The following SETD1B variants were observed in gnomAD, a reference collection of about 807,000 sequenced individuals.
The protein encoded by SETD1B is SET domain containing 1B, histone lysine methyltransferase.
In SETD1B, 7 loss-of-function variants were observed where a neutral mutation model predicts 148.0. The ratio of observed to expected loss-of-function variants is 0.05; its 90% CI spans 0.03 to 0.09. The LOEUF is 0.09. SETD1B is among the 10% of genes least tolerant of loss of function. The pLI is 1.00. For synonymous variants in SETD1B, 1,361 were observed against 1,186.5 expected, an observed-to-expected ratio of 1.15 and a Z score of -3.02; for missense variants, 2,155 against 2,729.9, an observed-to-expected ratio of 0.79 and a Z score of 4.69.
upstream of SETD1B, chr12:121,802,721 A>T (rs1875449726): frequency 6.6e-6 from 1 of 152,238 alleles, no homozygotes; most frequent in African/African-American, 2.4e-5. Context: ...ATTCCAAGTC[A>T]TAAGGAAAAA....
In SETD1B at chr12:121,805,766, G is replaced by A. The variant is rs1875712786; in HGVS notation, c.274-69G>A. 2 of 1,423,956 alleles carry A rather than the reference G, an allele frequency of 1.4e-6. No individual in the cohort carries two copies. The highest frequency in any genetic ancestry group is 9.5e-7 in the Non-Finnish European group (1 of 1,056,894). 88.2% of individuals were successfully genotyped at this position (1,423,956 alleles called of 1,614,324 possible). ...GGGTGGGCGAGTTGCGGGCGGGGCG[G>A]GGGGGATGTTGTGTTTTCCCTTAGG... is the stretch of plus-strand genomic sequence containing the variant. On this transcript the variant is annotated intron_variant, in intron 3 of 16. Coordinates refer to ENST00000604567, the MANE Select transcript of SETD1B (RefSeq NM_001353345.2). The surrounding 1 kb of genome is among the most constrained non-coding windows in gnomAD (Gnocchi z 4.2).
chr12:121,810,843 C>T lies in SETD1B; in HGVS notation c.1890+8C>T, dbSNP rs759612540. The T allele has an allele frequency of 2.6e-5, 39 of 1,485,228 alleles. No homozygotes were observed. Among genetic ancestry groups the T allele is most frequent in the Non-Finnish European group, 3.4e-5 (38 of 1,111,372 alleles). 92.0% of individuals were successfully genotyped at this position (1,485,228 alleles called of 1,614,324 possible). On this transcript the variant is annotated splice_region_variant and intron_variant, in intron 6 of 16. Coordinates refer to ENST00000604567, the MANE Select transcript of SETD1B (RefSeq NM_001353345.2). This position sits in a 1 kb window ranked among gnomAD's most constrained non-coding sequence, Gnocchi z 7.6. ...TCAGAGAAGATGGATGAGGTACCAC[C>T]GTGTCTGTCCATCTGTCTGGGACTG... is the stretch of plus-strand genomic sequence containing the variant.
At chr12:121,795,901 A>T in the SETD1B span, 2 of 152,568 alleles carry the variant, frequency 1.3e-5, no homozygotes, top group Non-Finnish European at 2.9e-5. Flanking sequence ...GGAGGCGGGA[A>T]ATAAGCACAA....
At chr12:121,798,217 G>A in the SETD1B span, among the ~76,000 whole-genome samples, 7 of 152,134 alleles carry the variant, frequency 4.6e-5, no homozygotes, top group Non-Finnish European at 8.8e-5. Flanking sequence ...ACTTCTCCCC[G>A]GACCATGGGT....
intron 13 of SETD1B, among the ~76,000 whole-genome samples, chr12:121,826,740 G>A (rs59912940): frequency 0.027 from 4,035 of 152,144 alleles, 111 homozygotes; most frequent in African/African-American, 0.063. Context: ...TAGCTGGGCC[G>A]CGAGGAGCCA....
At chr12:121,827,885 G>A (rs759376324) in intron 15 of SETD1B, 31 bp downstream of exon 15, 1 of 1,552,896 alleles carries the variant, frequency 6.4e-7, no homozygotes. Flanking sequence ...TGGGCACCGG[G>A]GTGGGCATGG....
rs1283111818 is a variant in SETD1B at position 121,808,150 on chromosome 12, G to T, written c.545-58G>T. On this transcript the variant is annotated intron_variant, in intron 4 of 16. Coordinates refer to ENST00000604567, the MANE Select transcript of SETD1B (RefSeq NM_001353345.2). This position sits in a 1 kb window ranked among gnomAD's most constrained non-coding sequence, Gnocchi z 5.3. ...GGGTGCCACACAGGTTGGAATCCTT[G>T]TGGGGGCTGCCCCATCCTGGAACCT... 7.2e-7 allele frequency: 1 copy of T among 1,382,438 alleles called. No homozygotes were observed. The highest frequency in any genetic ancestry group is 1.0e-6 in the Non-Finnish European group (1 of 1,000,596). 85.6% of individuals were successfully genotyped at this position (1,382,438 alleles called of 1,614,324 possible). A position where few individuals can be genotyped will look rare whatever the true frequency, so the allele number is the denominator to read the frequency against.
chr12:121,813,415 C>G (rs1391590719), intron 6 of SETD1B, among the ~76,000 whole-genome samples: 2 of 152,238 alleles, frequency 1.3e-5, no homozygotes, highest in Non-Finnish European at 2.9e-5. Flanking sequence ...AGAGTGAGGA[C>G]AGCAGGGTGA....
chr12:121,799,101 C>T (rs1332147415), upstream of SETD1B: 1 of 152,238 alleles, frequency 6.6e-6, no homozygotes, highest in East Asian at 1.9e-4. Flanking sequence ...GCCCGGTGGT[C>T]CATTTTCAGT....
chr12:121,817,620 G>C lies in SETD1B; in HGVS notation c.3228G>C (p.Glu1076Asp). The C allele has an allele frequency of 6.4e-7, 1 of 1,551,598 alleles. No individual in the cohort carries two copies. Among genetic ancestry groups the C allele is most frequent in the Non-Finnish European group, 8.7e-7 (1 of 1,146,954 alleles). Residue 1076 changes from glutamate to aspartate, a missense_variant, in exon 9 of 17, where the codon GAG becomes GAC. Around this residue, in one of 11 missense-constraint regions of SETD1B, gnomAD observed 862 missense variants for 873.8 expected, o/e 0.99. Coordinates refer to ENST00000604567, the MANE Select transcript of SETD1B (RefSeq NM_001353345.2). The surrounding 1 kb of genome is among the most constrained non-coding windows in gnomAD (Gnocchi z 8.1). ...DKEEEQESTE[E>D]EEEAEEEEEE... ...AGGAGGAACAGGAGAGCACCGAGGA[G>C]GAAGAGGAGGCGGAGGAGGAGGAGG...
chr12:121,822,721 C>T lies in SETD1B; in HGVS notation c.4142C>T (p.Ala1381Val). The change falls in exon 12 of 17, where the codon GCC becomes GTC. Residue 1381 changes from alanine to valine, a missense_variant. Coordinates refer to ENST00000604567, the MANE Select transcript of SETD1B (RefSeq NM_001353345.2). ...TCGCAGAGCACAGAGACGGTGCCAG[C>T]CACACCAGGCGGGGAGCCCCCGCTA... ...AKSQSTETVP[A>V]TPGGEPPLSG... is the part of the protein sequence containing the mutation. 6.6e-7 allele frequency: 1 copy of T among 1,524,458 alleles called. No individual in the cohort carries two copies. The highest frequency in any genetic ancestry group is 1.2e-5 in the South Asian group (1 of 82,246). The allele number at this position is 1,524,458 out of a possible 1,614,324, so 94.4% of individuals were successfully genotyped here. A position where few individuals can be genotyped will look rare whatever the true frequency, so the allele number is the denominator to read the frequency against.
chr12:121,807,689 C>T (rs984705675), intron 4 of SETD1B, among the ~76,000 whole-genome samples: 55 of 152,152 alleles, frequency 3.6e-4, no homozygotes, highest in African/African-American at 1.1e-3. Flanking sequence ...GTCCCCAGGC[C>T]ACCCTGGGGC....
the SETD1B span, among the ~76,000 whole-genome samples, chr12:121,794,983 C>G: frequency 6.6e-6 from 1 of 152,192 alleles, no homozygotes; most frequent in Non-Finnish European, 1.5e-5. Context: ...CCGAAGACTC[C>G]CAGTTTTCAA....
chr12:121,829,183 C>T (rs562042916), intron 16 of SETD1B, among the ~76,000 whole-genome samples: 90 of 152,238 alleles, frequency 5.9e-4, no homozygotes, highest in Non-Finnish European at 1.0e-3. Flanking sequence ...TTGGAGCCAT[C>T]GGGCAACAGG....
Position 121,809,703 on chromosome 12 carries a change from C to T in SETD1B, c.758C>T (p.Ser253Phe), listed in dbSNP as rs1421252638. ...CCCAATAGCGGTGGGACACCCTTCT[C>T]CCAGGACACAGCTTATTCCAGCTGC... ...VTPNSGGTPFSQDTAYSSCRL... is the reference protein window; with the variant it reads ...VTPNSGGTPFFQDTAYSSCRL... Residue 253 changes from serine (S) to phenylalanine (F), a missense_variant, in exon 6 of 17, where the codon TCC becomes TTC. Physicochemically the swap from Ser to Phe is radical, Grantham distance 155. Transcript: ENST00000604567. The T allele has an allele frequency of 1.7e-5, 27 of 1,551,508 alleles. No individual in the cohort carries two copies. Among genetic ancestry groups the T allele is most frequent in the Non-Finnish European group, 2.4e-5 (27 of 1,147,000 alleles).
Position 121,805,773 on chromosome 12 carries a change from T to A in SETD1B, c.274-62T>A. The stretch of plus-strand genomic sequence containing the variant: ...CGAGTTGCGGGCGGGGCGGGGGGGA[T>A]GTTGTGTTTTCCCTTAGGTTTAAAC... On this transcript the variant is annotated intron_variant, in intron 3 of 16. Coordinates refer to ENST00000604567, the MANE Select transcript of SETD1B (RefSeq NM_001353345.2). The surrounding 1 kb of genome is among the most constrained non-coding windows in gnomAD (Gnocchi z 4.2). The A allele has an allele frequency of 6.9e-7, 1 of 1,442,900 alleles. No homozygotes were observed. Among genetic ancestry groups the A allele is most frequent in the Non-Finnish European group, 9.3e-7 (1 of 1,070,814 alleles). The allele number at this position is 1,442,900 out of a possible 1,614,324, so 89.4% of individuals were successfully genotyped here. A position where few individuals can be genotyped will look rare whatever the true frequency, so the allele number is the denominator to read the frequency against.
intron 16 of SETD1B, 73 bp downstream of exon 16, chr12:121,828,143 G>A (rs1332922522): frequency 2.0e-6 from 3 of 1,520,808 alleles, no homozygotes; most frequent in Non-Finnish European, 2.7e-6. Context: ...AGGAGGGCCT[G>A]GAAGCCCCGG....
chr12:121,818,889 C>CAA (rs61120230), intron 10 of SETD1B, among the ~76,000 whole-genome samples: 12 of 65,236 alleles, frequency 1.8e-4, no homozygotes, highest in Admixed American at 8.5e-4. Flanking sequence ...GACTCCGTCT[C>CAA]AAAAAAAAAA....
Position 121,825,421 on chromosome 12 carries a change from C to T in SETD1B, c.5337+55C>T. 2.0e-6 allele frequency: 3 copies of T among 1,500,596 alleles called. No homozygotes were observed. In the South Asian group the frequency reaches 3.7e-5, roughly 18 times the overall value. 93.0% of individuals were successfully genotyped at this position (1,500,596 alleles called of 1,614,324 possible). A position where few individuals can be genotyped will look rare whatever the true frequency, so the allele number is the denominator to read the frequency against. On this transcript the variant is annotated intron_variant, in intron 13 of 16. Coordinates refer to ENST00000604567, the MANE Select transcript of SETD1B (RefSeq NM_001353345.2). ...GCCTGCTGGGCTGGGCCACGGGGAT[C>T]CAGGGCACTCATGGAGGGGTGCCAG... is the stretch of plus-strand genomic sequence containing the variant.
Sources: allele counts gnomAD v4.1 joint callset (sites outside exome capture counted in the v4.1 genomes callset), GRCh38; gene constraint gnomAD v4.1.1; regional missense constraint gnomAD v4.1.1; non-coding constraint Gnocchi (gnomAD v3.1); transcripts MANE v1.5; gene names NCBI Gene and HGNC (gene_info 2026-07-23, HGNC 2026-07-21).